Variants in STK32B observed in about 807,000 individuals in gnomAD.
The protein encoded by STK32B is serine/threonine kinase 32B.
In STK32B, 43 loss-of-function variants were observed where a neutral mutation model predicts 52.6. The ratio of observed to expected loss-of-function variants is 0.82; its 90% CI spans 0.64 to 1.05. The LOEUF (loss-of-function observed/expected upper bound fraction) is 1.05. STK32B is among the 50% of genes least tolerant of loss of function. The pLI is 0.00. For synonymous variants in STK32B, 238 were observed against 204.3 expected (o/e 1.17, Z -1.41); for missense variants, 621 against 534.6 (o/e 1.16, Z -1.59).
Position 5,329,236 on chromosome 4 carries a change from C to T in STK32B, c.261-1984C>T, listed in dbSNP as rs191533582. ...CTTCCTGTGAGTCTCTGATAGGAGA[C>T]ACTTCATTCCATCCCGTGAGGTTTG... On this transcript the variant is annotated intron_variant, in intron 3 of 11. Coordinates refer to ENST00000282908, the MANE Select transcript of STK32B (RefSeq NM_018401.3). Among the ~76,000 whole-genome samples the T allele has an allele frequency of 2.1e-3, 314 of 152,228 alleles. 6 individuals are homozygous for T. Among genetic ancestry groups the T allele is most frequent in the Admixed American group, 0.02 (308 of 15,298 alleles).
intron 4 of STK32B, among the ~76,000 whole-genome samples, chr4:5,375,641 G>A (rs1032350736): frequency 6.6e-6 from 1 of 152,146 alleles, no homozygotes; most frequent in Non-Finnish European, 1.5e-5. Context: ...ATTAATTCGA[G>A]TTATTGTGAA....
intron 3 of STK32B, among the ~76,000 whole-genome samples, chr4:5,240,833 AT>A (rs1293288210): frequency 3.3e-5 from 5 of 151,930 alleles, no homozygotes; most frequent in Non-Finnish European, 7.4e-5. Context: ...TGATCTGCAA[AT>A]TCTACCTCTG....
chr4:5,358,150 T>C (rs1375360061), intron 4 of STK32B, among the ~76,000 whole-genome samples: 2 of 152,210 alleles, frequency 1.3e-5, no homozygotes, highest in East Asian at 1.9e-4. Context: ...CCTAAAGGGA[T>C]TGTTCCATCT....
intron 3 of STK32B, among the ~76,000 whole-genome samples, chr4:5,280,853 C>T (rs1217778874): frequency 6.6e-6 from 1 of 152,038 alleles, no homozygotes; most frequent in Non-Finnish European, 1.5e-5. Flanking sequence ...GAGCCGACAT[C>T]GTACCACTGC....
rs1056358984 is a variant in STK32B, at chr4:5,242,992, G to A, written c.260+74542G>A. Among the ~76,000 whole-genome samples the A allele has an allele frequency of 5.3e-5, 8 of 152,156 alleles. No homozygotes were observed. The East Asian group carries it at 1.2e-3, about 22-fold the overall frequency. On this transcript the variant is annotated intron_variant, in intron 3 of 11. Coordinates refer to ENST00000282908, the MANE Select transcript of STK32B (RefSeq NM_018401.3). ...CTTGGTTACTGTAGCCTTGTAGTAT[G>A]GTTTGAAGTCAGGTAGCGTGATGCC...
intron 3 of STK32B, among the ~76,000 whole-genome samples, chr4:5,305,485 T>TGTGTAAAG (rs2108902962): frequency 6.6e-6 from 1 of 152,214 alleles, no homozygotes; most frequent in East Asian, 1.9e-4. Flanking sequence ...CTAGTTTATG[T>TGTGTAAAG]GTGTAAAGGT....
intron 4 of STK32B, among the ~76,000 whole-genome samples, chr4:5,337,099 C>T (rs1446362609): frequency 6.6e-6 from 1 of 152,066 alleles, no homozygotes; most frequent in Non-Finnish European, 1.5e-5. Flanking sequence ...CCACCTCAGC[C>T]TGCTAAGTAG....
chr4:5,253,866 A>G (rs1330706590), intron 3 of STK32B, among the ~76,000 whole-genome samples: 1 of 152,254 alleles, frequency 6.6e-6, no homozygotes, highest in Non-Finnish European at 1.5e-5. Context: ...TGTTTTGAGC[A>G]TTACATGAAA....
At chr4:5,097,778 G>T (rs1713480930) in intron 1 of STK32B, among the ~76,000 whole-genome samples, 2 of 152,242 alleles carry the variant, frequency 1.3e-5, no homozygotes, top group African/African-American at 4.8e-5. Context: ...GCTAAGTAAG[G>T]AGGGCAGTGT....
intron 1 of STK32B, among the ~76,000 whole-genome samples, chr4:5,127,568 A>C (rs1715482076): frequency 6.6e-6 from 1 of 152,180 alleles, no homozygotes; most frequent in African/African-American, 2.4e-5. Flanking sequence ...ATTTGGAAAT[A>C]GGGTCTTTGT....
At chr4:5,316,931 TATATATA>T (rs1730936783) in intron 3 of STK32B, among the ~76,000 whole-genome samples, 1 of 12,032 alleles carries the variant, frequency 8.3e-5, no homozygotes, top group Non-Finnish European at 1.1e-4. Context: ...ATATATATAA[TATATATA>T]ATATATAATA....
chr4:5,478,718 T>A (rs1718428824), intron 11 of STK32B, among the ~76,000 whole-genome samples: 1 of 152,182 alleles, frequency 6.6e-6, no homozygotes, highest in Non-Finnish European at 1.5e-5. Flanking sequence ...CTGCAGTACC[T>A]TGGGGCTCCA....
the STK32B span, among the ~76,000 whole-genome samples, chr4:5,043,860 C>A: frequency 6.6e-6 from 1 of 152,236 alleles, no homozygotes; most frequent in Non-Finnish European, 1.5e-5. Context: ...TCTCGGGCTC[C>A]CAGCCCAGTG....
intron 1 of STK32B, among the ~76,000 whole-genome samples, chr4:5,098,271 C>T (rs556243168): frequency 6.6e-6 from 1 of 152,284 alleles, no homozygotes; most frequent in South Asian, 2.1e-4. Flanking sequence ...GTTATGTTTA[C>T]AGTACTACAG....
intron 9 of STK32B, among the ~76,000 whole-genome samples, chr4:5,466,025 C>T (rs550948517): frequency 1.3e-3 from 197 of 152,314 alleles, no homozygotes; most frequent in African/African-American, 3.5e-3. Context: ...TTCCCCTGTG[C>T]GCGCCAAAGC....
intron 4 of STK32B, among the ~76,000 whole-genome samples, chr4:5,382,281 A>C (rs1478631088): frequency 1.3e-5 from 2 of 152,180 alleles, no homozygotes; most frequent in African/African-American, 4.8e-5. Context: ...TGGGAAAGTC[A>C]CTCAAATTCC....
intron 1 of STK32B, among the ~76,000 whole-genome samples, chr4:5,077,467 T>C (rs1018758822): frequency 9.2e-5 from 14 of 152,142 alleles, no homozygotes; most frequent in African/African-American, 2.9e-4. Context: ...TTTGGAATTC[T>C]CTTTAAGACA....
chr4:5,082,386 G>A (rs1302178578), intron 1 of STK32B, among the ~76,000 whole-genome samples: 1 of 152,180 alleles, frequency 6.6e-6, no homozygotes, highest in East Asian at 1.9e-4. Context: ...GAGGCAGATG[G>A]AGCATTGTAG....
chr4:5,223,588 C>T (rs566510805), intron 3 of STK32B, among the ~76,000 whole-genome samples: 6 of 151,650 alleles, frequency 4.0e-5, no homozygotes, highest in Admixed American at 1.3e-4. Flanking sequence ...CTGAGGCGGG[C>T]GAATCACGAG....
Sources: allele counts gnomAD v4.1 joint callset (sites outside exome capture counted in the v4.1 genomes callset), GRCh38; gene constraint gnomAD v4.1.1; transcripts MANE v1.5; gene names NCBI Gene and HGNC (gene_info 2026-07-23, HGNC 2026-07-21).